Variants in SKIL observed in about 807,000 individuals in gnomAD.
SKIL encodes the protein SKI like proto-oncogene, also known as ski-like protein.
A neutral mutation model predicts 69.6 loss-of-function variants in SKIL; 20 were observed. The ratio of observed to expected loss-of-function variants is 0.29; its 90% confidence interval spans 0.20 to 0.42. The LOEUF is 0.42. SKIL is among the 10% of genes least tolerant of loss of function. The probability of loss-of-function intolerance (pLI) is 1.00; values close to 1 mark genes in which losing one functional copy is unlikely to be tolerated. For missense variants in SKIL, 745 were observed against 783.1 expected (o/e 0.95, Z 0.58); for synonymous variants, 310 against 279.9 (o/e 1.11, Z -1.08).
intron 3 of SKIL, among the ~76,000 whole-genome samples, chr3:170,381,721 C>G (rs1245727024): frequency 6.6e-6 from 1 of 152,102 alleles, no homozygotes; most frequent in African/African-American, 2.4e-5. Context: ...GTGTGAGCCA[C>G]TGTGCCTGAC....
intron 4 of SKIL, among the ~76,000 whole-genome samples, chr3:170,385,401 C>T (rs2108219460): frequency 6.6e-6 from 1 of 151,000 alleles, no homozygotes; most frequent in African/African-American, 2.4e-5. Flanking sequence ...CTTTATTTTT[C>T]TTTCTGATTT....
rs151136645 is a variant in SKIL at position 170,361,447 on chromosome 3, A to G, written c.1098+18A>G. On this transcript the variant is annotated intron_variant, in intron 2 of 6. Transcript: ENST00000259119. ...AATCCAAGGCAAGTTTTTTATATCAATTTTTAATAATGGTAATGGTTTACT... is the reference window on the plus strand; with the variant it reads ...AATCCAAGGCAAGTTTTTTATATCAGTTTTTAATAATGGTAATGGTTTACT... The G allele has an allele frequency of 1.8e-4, 265 of 1,507,636 alleles. 3 individuals carry two copies. In the African/African-American group the frequency reaches 2.7e-3, roughly 16 times the overall value. The allele number at this position is 1,507,636 out of a possible 1,614,324, so 93.4% of individuals were successfully genotyped here.
chr3:170,389,930 G>C (rs1224566234), intron 4 of SKIL, among the ~76,000 whole-genome samples: 5 of 152,280 alleles, frequency 3.3e-5, no homozygotes, highest in Non-Finnish European at 7.4e-5. Context: ...TTTTGATAGG[G>C]ATTGCACTGA....
intron 5 of SKIL, 74 bp from the exon 6 acceptor site, chr3:170,390,961 TA>T: frequency 1.3e-6 from 1 of 741,576 alleles, no homozygotes; most frequent in Non-Finnish European, 2.3e-6. Flanking sequence ...TTTTCTGTGC[TA>T]TGTTTTCCAG....
chr3:170,371,013 C>CT (rs1736777763), intron 2 of SKIL, among the ~76,000 whole-genome samples: 1 of 152,062 alleles, frequency 6.6e-6, no homozygotes, highest in Non-Finnish European at 1.5e-5. Context: ...TTTTTATAGT[C>CT]TATGTTAAAT....
At chr3:170,365,752 C>CTTTTGTTTTTTTTTTTT (rs1736468496) in intron 2 of SKIL, among the ~76,000 whole-genome samples, 1 of 106,498 alleles carries the variant, frequency 9.4e-6, no homozygotes, top group African/African-American at 4.0e-5. Context: ...TCAAACTAGG[C>CTTTTGTTTTTTTTTTTT]TTTTTTTTTT....
At chr3:170,363,955 A>C (rs1033055715) in intron 2 of SKIL, among the ~76,000 whole-genome samples, 1 of 151,482 alleles carries the variant, frequency 6.6e-6, no homozygotes, top group African/African-American at 2.4e-5. Flanking sequence ...TAGGTGCTGT[A>C]CTTTTTTTTT....
chr3:170,372,306 A>G (rs543224659), intron 2 of SKIL, among the ~76,000 whole-genome samples: 2 of 152,334 alleles, frequency 1.3e-5, no homozygotes, highest in African/African-American at 4.8e-5. Flanking sequence ...GAGCATTTTT[A>G]AGTATCTCAA....
chr3:170,366,327 A>G (rs1305521193), intron 2 of SKIL, among the ~76,000 whole-genome samples: 1 of 152,084 alleles, frequency 6.6e-6, no homozygotes, highest in African/African-American at 2.4e-5. Flanking sequence ...ATTTGAAATG[A>G]GACAACTTAA....
At position 170,381,308 on chromosome 3, in the gene SKIL, A is replaced by G; in HGVS notation, c.1163A>G (p.His388Arg). ...WYPVIKQEGD[H>R]VSQTHSFLHP... ...CCTGTTATAAAGCAGGAAGGTGACCATGTTTCTCAGACACATTCATTTTTA... is the reference window on the plus strand; with the variant it reads ...CCTGTTATAAAGCAGGAAGGTGACCGTGTTTCTCAGACACATTCATTTTTA... Residue 388 changes from histidine (H) to arginine (R), a missense_variant, in exon 3 of 7, where the codon CAT becomes CGT. Physicochemically the swap from His to Arg is conservative, Grantham distance 29. Transcript: ENST00000259119. 9 of 1,594,552 alleles carry G rather than the reference A, an allele frequency of 5.6e-6. No homozygotes were observed. The highest frequency in any genetic ancestry group is 1.1e-5 in the South Asian group (1 of 90,704).
At position 170,392,298 on chromosome 3, in the gene SKIL, G is replaced by A. The variant is rs1054285814; in HGVS notation, c.1936G>A (p.Asp646Asn). 6 of 1,612,976 alleles carry A rather than the reference G, an allele frequency of 3.7e-6. No homozygotes were observed. Among genetic ancestry groups the A allele is most frequent in the African/African-American group, 1.3e-5 (1 of 74,898 alleles). Residue 646 changes from aspartate (D) to asparagine (N), a missense_variant, in exon 7 of 7, where the codon GAT (aspartate) becomes AAT (asparagine). By Grantham distance (23) the Asp-to-Asn change is conservative. Coordinates refer to ENST00000259119, the MANE Select transcript of SKIL (RefSeq NM_005414.5). ...GCAGAGATTGGACCATGCTGAGGCC[G>A]ATAGGCAAGAACTCCAAGATGAACT... ...LRQRLDHAEADRQELQDELRQ... is the reference protein window; with the variant it reads ...LRQRLDHAEANRQELQDELRQ...
chr3:170,385,058 C>T (rs763878204), intron 4 of SKIL: 25 of 205,320 alleles, frequency 1.2e-4, no homozygotes, highest in Non-Finnish European at 2.4e-4. Context: ...TGTCAGTCTT[C>T]AGGAGATCCT....
intron 1 of SKIL, among the ~76,000 whole-genome samples, chr3:170,358,873 C>G (rs1305367354): frequency 6.6e-6 from 1 of 152,156 alleles, no homozygotes; most frequent in African/African-American, 2.4e-5. Flanking sequence ...TAAGTAAAAT[C>G]GCTAACCTTT....
rs148615745 is a variant in SKIL, at chr3:170,360,682, G to C, written c.351G>C (p.Ser117=). Reference sequence around the variant, plus strand: ...CTCGGCATTCCCAAGAAAGCATGTCGCCTACTGTATTTCTGCCTCTTCCAT... The same window carrying C: ...CTCGGCATTCCCAAGAAAGCATGTCCCCTACTGTATTTCTGCCTCTTCCAT... ...FSARHSQESM[S]PTVFLPLPSP... Residue 117 remains serine (S), a synonymous_variant, in exon 2 of 7, where the codon TCG becomes TCC. Transcript: ENST00000259119. 1.2e-6 allele frequency: 2 copies of C among 1,613,976 alleles called. No individual in the cohort carries two copies. Among genetic ancestry groups the C allele is most frequent in the Admixed American group, 1.7e-5 (1 of 59,990 alleles).
At chr3:170,372,514 A>G (rs1314461632) in intron 2 of SKIL, among the ~76,000 whole-genome samples, 1 of 152,220 alleles carries the variant, frequency 6.6e-6, no homozygotes, top group Admixed American at 6.5e-5. Flanking sequence ...TGAAATCTCT[A>G]AGTAGCTATT....
chr3:170,371,327 C>T (rs371025201), intron 2 of SKIL, among the ~76,000 whole-genome samples: 39 of 152,094 alleles, frequency 2.6e-4, no homozygotes, highest in East Asian at 1.9e-3. Flanking sequence ...ATGGTGAAAC[C>T]CCATCTCTAC....
chr3:170,386,488 C>A (rs1737641093), intron 4 of SKIL, among the ~76,000 whole-genome samples: 2 of 152,036 alleles, frequency 1.3e-5, no homozygotes, highest in South Asian at 4.1e-4. Context: ...TTTTTAGAGA[C>A]AGAGTCTCAC....
chr3:170,367,071 G>A (rs1031200236), intron 2 of SKIL, among the ~76,000 whole-genome samples: 2 of 152,142 alleles, frequency 1.3e-5, no homozygotes, highest in East Asian at 3.8e-4. Context: ...TATTGGAAGT[G>A]GTCATTTGTT....
At chr3:170,384,350 T>C (rs1015550310) in intron 3 of SKIL, among the ~76,000 whole-genome samples, 183 bp from the exon 4 acceptor site, 2 of 152,160 alleles carry the variant, frequency 1.3e-5, no homozygotes, top group African/African-American at 4.8e-5. Flanking sequence ...TTGTTTGTAA[T>C]GCCTAAAGTG....
Sources: gnomAD v4.1 joint callset for allele counts (sites outside exome capture counted in the v4.1 genomes callset) on GRCh38, gnomAD v4.1.1 for gene constraint, MANE v1.5 for transcripts, NCBI Gene and HGNC (gene_info 2026-07-23, HGNC 2026-07-21) for gene names.